The following CPQ variants were observed in gnomAD, a reference collection of about 807,000 sequenced individuals.
CPQ encodes the protein Ser-Met dipeptidase.
A neutral mutation model predicts 45.7 loss-of-function variants in CPQ; 37 were observed. The observed-to-expected ratio is 0.81, with a 90% CI of 0.62 to 1.07. The LOEUF is 1.07. Ranked by LOEUF, CPQ falls within the 50% of genes least tolerant of loss-of-function variation. CPQ has a pLI of 0.00. For synonymous variants in CPQ, 186 were observed against 205.8 expected (o/e 0.90, Z 0.82); for missense variants, 537 against 572.9 (o/e 0.94, Z 0.64).
At chr8:97,119,355 G>C (rs1278796421) in intron 7 of CPQ, among the ~76,000 whole-genome samples, 1 of 141,132 alleles carries the variant, frequency 7.1e-6, no homozygotes, top group African/African-American at 2.7e-5. Context: ...AAAAAAGATA[G>C]TCCAAGATCC....
At chr8:97,091,842 AGATGGATGGATAGATG>A (rs1811131157) in intron 7 of CPQ, among the ~76,000 whole-genome samples, 1 of 142,778 alleles carries the variant, frequency 7.0e-6, no homozygotes, top group Non-Finnish European at 1.6e-5. Context: ...AGAGATACAA[AGATGGATGGATAGATG>A]GATGGATGGA....
chr8:97,110,067 C>A (rs1811475184), intron 7 of CPQ, among the ~76,000 whole-genome samples: 3 of 152,052 alleles, frequency 2.0e-5, no homozygotes, highest in African/African-American at 4.8e-5. Context: ...CCTGGGTGAC[C>A]ACCACCCAAA....
intron 3 of CPQ, among the ~76,000 whole-genome samples, chr8:96,874,645 C>A (rs1222073629): frequency 6.6e-6 from 1 of 151,774 alleles, no homozygotes. Context: ...TTTCAAGGTT[C>A]ATCCATGTTG....
chr8:96,790,682 G>T (rs1171277646), intron 2 of CPQ, among the ~76,000 whole-genome samples: 1 of 152,114 alleles, frequency 6.6e-6, no homozygotes, highest in Non-Finnish European at 1.5e-5. Flanking sequence ...GGGGCTGGGG[G>T]TGGGAGAGGA....
intron 5 of CPQ, among the ~76,000 whole-genome samples, chr8:96,997,023 T>C (rs1809189912): frequency 6.6e-6 from 1 of 152,014 alleles, no homozygotes; most frequent in Non-Finnish European, 1.5e-5. Context: ...TCAGAATTTA[T>C]AACTGCATCA....
At chr8:96,799,560 A>G (rs1031022861) in intron 2 of CPQ, among the ~76,000 whole-genome samples, 1 of 152,182 alleles carries the variant, frequency 6.6e-6, no homozygotes, top group Non-Finnish European at 1.5e-5. Flanking sequence ...AATTGGCGGT[A>G]TGGGATCAGT....
chr8:97,133,877 T>C (rs917522317), intron 7 of CPQ, among the ~76,000 whole-genome samples: 1 of 152,240 alleles, frequency 6.6e-6, no homozygotes, highest in Non-Finnish European at 1.5e-5. Flanking sequence ...TGAAAGAATG[T>C]ACTGCCTACC....
At chr8:96,729,873 G>A (rs1388285436) in intron 1 of CPQ, among the ~76,000 whole-genome samples, 1 of 152,084 alleles carries the variant, frequency 6.6e-6, no homozygotes, top group Non-Finnish European at 1.5e-5. Flanking sequence ...GTGTGTATGG[G>A]CATGTGACAT....
In CPQ at chr8:97,071,098, C is replaced by A. The variant is rs1418024928; in HGVS notation, c.1255+4888C>A. Among the ~76,000 whole-genome samples, 3 of 152,150 alleles carry A rather than the reference C, an allele frequency of 2.0e-5. No individual in the cohort carries two copies. In the South Asian group the frequency reaches 6.2e-4, roughly 32 times the overall value. ...CTCCTCTGCTTCAGAATCTGAAATT[C>A]AACTTTTTGTTGTTGTTGTTTTTAG... On this transcript the variant is annotated intron_variant, in intron 7 of 7. Coordinates refer to ENST00000220763, the MANE Select transcript of CPQ (RefSeq NM_016134.4).
At chr8:96,662,075 A>T (rs911328861) in intron 1 of CPQ, among the ~76,000 whole-genome samples, 1 of 152,014 alleles carries the variant, frequency 6.6e-6, no homozygotes, top group Non-Finnish European at 1.5e-5. Flanking sequence ...TCCACTTTAT[A>T]TCTTCTTTGG....
At chr8:97,087,364 G>A (rs1811057393) in intron 7 of CPQ, among the ~76,000 whole-genome samples, 1 of 152,088 alleles carries the variant, frequency 6.6e-6, no homozygotes, top group Admixed American at 6.5e-5. Context: ...CCCAGCTCAG[G>A]CAGGCAGCCT....
chr8:96,811,877 T>C (rs1330365167), intron 2 of CPQ, among the ~76,000 whole-genome samples: 3 of 152,156 alleles, frequency 2.0e-5, no homozygotes, highest in Non-Finnish European at 2.9e-5. Context: ...AATCGGAGTT[T>C]CCCATGAGTG....
At chr8:96,957,816 A>T (rs1813380383) in intron 4 of CPQ, among the ~76,000 whole-genome samples, 1 of 151,798 alleles carries the variant, frequency 6.6e-6, no homozygotes, top group Admixed American at 6.6e-5. Context: ...CAAAAAAAAA[A>T]AAGTCTGTAG....
intron 4 of CPQ, among the ~76,000 whole-genome samples, chr8:96,940,876 G>A (rs962317614): frequency 6.6e-5 from 10 of 152,172 alleles, no homozygotes; most frequent in East Asian, 5.8e-4. Context: ...GACATTAAAC[G>A]TTCTATCAAT....
chr8:96,833,119 A>C (rs1351498071), intron 2 of CPQ, among the ~76,000 whole-genome samples: 1 of 152,124 alleles, frequency 6.6e-6, no homozygotes, highest in Non-Finnish European at 1.5e-5. Flanking sequence ...TGGGGGATAA[A>C]GGAGACAGAG....
At chr8:97,113,272 C>A (rs1196308846) in intron 7 of CPQ, among the ~76,000 whole-genome samples, 1 of 152,064 alleles carries the variant, frequency 6.6e-6, no homozygotes, top group African/African-American at 2.4e-5. Context: ...AGGCTGGAAC[C>A]TCAAGAGGCT....
chr8:96,882,629 G>A (rs1812243871), intron 4 of CPQ, among the ~76,000 whole-genome samples: 1 of 152,176 alleles, frequency 6.6e-6, no homozygotes, highest in Non-Finnish European at 1.5e-5. Flanking sequence ...TGAGGCTGAA[G>A]TATTTAGGCA....
At chr8:96,682,363 C>G (rs1809163698) in intron 1 of CPQ, among the ~76,000 whole-genome samples, 1 of 152,186 alleles carries the variant, frequency 6.6e-6, no homozygotes, top group African/African-American at 2.4e-5. Flanking sequence ...GAGAAGTTTC[C>G]CTATACAAGC....
intron 4 of CPQ, among the ~76,000 whole-genome samples, chr8:96,943,368 C>A (rs539325684): frequency 9.5e-4 from 144 of 152,208 alleles, no homozygotes; most frequent in Non-Finnish European, 1.8e-3. Context: ...AATGGTGGGA[C>A]CTATTTTCAT....
Sources: allele counts gnomAD v4.1 joint callset (sites outside exome capture counted in the v4.1 genomes callset), GRCh38; gene constraint gnomAD v4.1.1; transcripts MANE v1.5; gene names NCBI Gene and HGNC (gene_info 2026-07-23, HGNC 2026-07-21).